The following SAMD8 variants were observed in gnomAD, a reference collection of about 807,000 sequenced individuals.
SAMD8 encodes sphingomyelin synthase-related protein 1.
A neutral mutation model predicts 42.0 loss-of-function variants in SAMD8; 20 were observed. The observed-to-expected ratio is 0.48, with a 90% confidence interval of 0.34 to 0.69. The LOEUF is 0.69. Ranked by LOEUF, SAMD8 falls within the 30% of genes least tolerant of loss-of-function variation. The probability of loss-of-function intolerance (pLI) is 0.01; values close to 1 mark genes in which losing one functional copy is unlikely to be tolerated. For missense variants in SAMD8, 328 were observed against 511.6 expected (o/e 0.64, Z 3.46); for synonymous variants, 162 against 173.0 (o/e 0.94, Z 0.50).
At chr10:75,149,931 T>C (rs1223747993) in intron 1 of SAMD8, among the ~76,000 whole-genome samples, 2 of 152,108 alleles carry the variant, frequency 1.3e-5, no homozygotes, top group African/African-American at 4.8e-5. Context: ...CATAAAATTA[T>C]TAGTGTGTTA....
intron 1 of SAMD8, among the ~76,000 whole-genome samples, chr10:75,121,350 C>T (rs893808668): frequency 6.6e-6 from 1 of 152,160 alleles, no homozygotes; most frequent in Non-Finnish European, 1.5e-5. Flanking sequence ...TGGCAAATAG[C>T]TTATTTATCT....
At chr10:75,114,104 A>G (rs945377901) in intron 1 of SAMD8, among the ~76,000 whole-genome samples, 6 of 152,150 alleles carry the variant, frequency 3.9e-5, no homozygotes, top group Non-Finnish European at 7.4e-5. Flanking sequence ...AGGAGGCCGA[A>G]GCAGGCAGAT....
At chr10:75,124,949 TTTTG>T (rs567334581) in intron 1 of SAMD8, among the ~76,000 whole-genome samples, 3 of 151,926 alleles carry the variant, frequency 2.0e-5, no homozygotes, top group East Asian at 1.9e-4. Flanking sequence ...TTGTTGTTGT[TTTTG>T]TTTGTTTGTT....
chr10:75,148,013 C>G (rs1840184302), intron 1 of SAMD8, among the ~76,000 whole-genome samples: 2 of 152,080 alleles, frequency 1.3e-5, no homozygotes, highest in South Asian at 4.1e-4. Flanking sequence ...GTAAAAAATA[C>G]AGACTCCTTG....
upstream of SAMD8, among the ~76,000 whole-genome samples, chr10:75,107,777 G>A (rs181107688): frequency 9.5e-4 from 145 of 152,236 alleles, no homozygotes; most frequent in South Asian, 0.014. Flanking sequence ...AGGTTTCACC[G>A]TGTTGGCCAG....
At chr10:75,174,430 C>CTTTTT (rs1159237277) in intron 4 of SAMD8, among the ~76,000 whole-genome samples, 15 of 102,768 alleles carry the variant, frequency 1.5e-4, no homozygotes, top group African/African-American at 5.5e-4. Context: ...TGCCTGGCCT[C>CTTTTT]TTTTTTTTTT....
Position 75,101,813 on chromosome 10 carries a change from C to T in SAMD8, c.-16+2085C>T, listed in dbSNP as rs111446481. The stretch of plus-strand genomic sequence containing the variant: ...CACAAGTGTCCTGGCCCTCATTACC[C>T]AGCATGCTCAGGGACCACATCCTAC... On this transcript the variant is annotated intron_variant, in intron 1 of 3. Transcript: ENST00000447533. The T allele has an allele frequency of 6.8e-4, 868 of 1,274,076 alleles. 6 individuals are homozygous for T. The African/African-American group carries it at 0.011, about 16-fold the overall frequency. 78.9% of individuals were successfully genotyped at this position (1,274,076 alleles called of 1,614,324 possible). A position where few individuals can be genotyped will look rare whatever the true frequency, so the allele number is the denominator to read the frequency against.
In SAMD8 at chr10:75,178,602, GGCTA is replaced by G. The variant is rs2132225651; in HGVS notation, c.*1911_*1914del. On this transcript the variant is annotated 3_prime_UTR_variant, in exon 6 of 6. Coordinates refer to ENST00000542569, the MANE Select transcript of SAMD8 (RefSeq NM_001174156.2). ...TGTTAAGCCGAGTGCAGTGGTGCAA[GGCTA>G]TAGTCCCAGGTTCTGAGGAGGCTGA... 1 of 152,366 alleles carries G rather than the reference GGCTA, an allele frequency of 6.6e-6. No individual in the cohort carries two copies. The highest frequency in any genetic ancestry group is 1.9e-4 in the East Asian group (1 of 5,188). The allele number at this position is 152,366 out of a possible 1,614,324, so 9.4% of individuals were successfully genotyped here.
At chr10:75,154,031 A>G (rs1384318368) in intron 2 of SAMD8, among the ~76,000 whole-genome samples, 2 of 152,098 alleles carry the variant, frequency 1.3e-5, no homozygotes, top group Non-Finnish European at 2.9e-5. Context: ...CTCCCAAAGT[A>G]TAGGGATTAC....
intron 1 of SAMD8, among the ~76,000 whole-genome samples, chr10:75,123,333 C>A (rs1044557508): frequency 2.0e-5 from 3 of 152,116 alleles, no homozygotes; most frequent in Non-Finnish European, 4.4e-5. Flanking sequence ...AGTACCTCGG[C>A]AAGGAGCAGG....
rs781296419 is a variant in SAMD8 at position 75,180,184 on chromosome 10, C to G, written c.*3492C>G. On this transcript the variant is annotated 3_prime_UTR_variant, in exon 6 of 6. Coordinates refer to ENST00000542569, the MANE Select transcript of SAMD8 (RefSeq NM_001174156.2). Reference sequence around the variant, plus strand: ...CAAGAATTCTTTATGTGGCTATCCTCTCCATAGTTTTCTGACCAGAATTGC... The same window carrying G: ...CAAGAATTCTTTATGTGGCTATCCTGTCCATAGTTTTCTGACCAGAATTGC... 4 of 152,194 alleles carry G rather than the reference C, an allele frequency of 2.6e-5. No homozygotes were observed. The highest frequency in any genetic ancestry group is 9.7e-5 in the African/African-American group (4 of 41,438). The allele number at this position is 152,194 out of a possible 1,614,324, so 9.4% of individuals were successfully genotyped here.
intron 1 of SAMD8, among the ~76,000 whole-genome samples, chr10:75,103,367 G>A (rs1297198149): frequency 6.6e-6 from 1 of 152,058 alleles, no homozygotes; most frequent in Non-Finnish European, 1.5e-5. Flanking sequence ...GTGTAGAGCA[G>A]GTCTTCAGAC....
chr10:75,099,938 G>C (rs1848038741), intron 1 of SAMD8, among the ~76,000 whole-genome samples: 1 of 152,144 alleles, frequency 6.6e-6, no homozygotes, highest in Non-Finnish European at 1.5e-5. Flanking sequence ...TCACTGCAGG[G>C]CAGAGGGCAG....
upstream of SAMD8, among the ~76,000 whole-genome samples, chr10:75,106,974 G>C (rs1376623011): frequency 6.6e-6 from 1 of 152,222 alleles, no homozygotes; most frequent in Non-Finnish European, 1.5e-5. Flanking sequence ...ACAAAGCCAG[G>C]ACACCAGCCT....
At position 75,099,875 on chromosome 10, in the gene SAMD8, G is replaced by A. The variant is rs149445542; in HGVS notation, c.-16+147G>A. ...CTAGGGATGCTGGACTTAATTTTCA[G>A]GATGCTCTGGGGGTCTGACCCGAGA... is the stretch of plus-strand genomic sequence containing the variant. On this transcript the variant is annotated intron_variant, in intron 1 of 3. Coordinates refer to the SAMD8 transcript ENST00000447533. 476 of 156,480 alleles carry A rather than the reference G, an allele frequency of 3.0e-3. 2 individuals carry two copies. Among genetic ancestry groups the A allele is most frequent in the African/African-American group, 0.011 (442 of 41,746 alleles). 9.7% of individuals were successfully genotyped at this position (156,480 alleles called of 1,614,324 possible). A position where few individuals can be genotyped will look rare whatever the true frequency, so the allele number is the denominator to read the frequency against.
intron 1 of SAMD8, among the ~76,000 whole-genome samples, chr10:75,113,130 A>T (rs540047792): frequency 6.6e-6 from 1 of 152,378 alleles, no homozygotes; most frequent in East Asian, 1.9e-4. Flanking sequence ...CAACTGGGAC[A>T]GGTGGGTATA....
intron 4 of SAMD8, among the ~76,000 whole-genome samples, chr10:75,171,994 C>T (rs943286351): frequency 1.5e-4 from 22 of 151,312 alleles, no homozygotes; most frequent in Non-Finnish European, 2.9e-4. Flanking sequence ...CCACTGCACT[C>T]CAGCCTGGGT....
intron 1 of SAMD8, among the ~76,000 whole-genome samples, chr10:75,112,326 T>G (rs1445399364): frequency 6.6e-6 from 1 of 152,184 alleles, no homozygotes; most frequent in Non-Finnish European, 1.5e-5. Context: ...AGGGAGGCAC[T>G]GAAAAAGAGA....
intron 2 of SAMD8, among the ~76,000 whole-genome samples, chr10:75,156,063 A>G (rs1225009286): frequency 6.6e-6 from 1 of 152,166 alleles, no homozygotes; most frequent in Non-Finnish European, 1.5e-5. Flanking sequence ...ATTAAAAATT[A>G]GCTAGGTGCG....
Sources: gnomAD v4.1 joint callset for allele counts (sites outside exome capture counted in the v4.1 genomes callset) on GRCh38, gnomAD v4.1.1 for gene constraint, MANE v1.5 for transcripts, NCBI Gene and HGNC (gene_info 2026-07-23, HGNC 2026-07-21) for gene names.